The following MNAT1 variants were observed in gnomAD, a reference collection of about 807,000 sequenced individuals.
MNAT1 encodes CDK-activating kinase assembly factor MAT1.
A neutral mutation model predicts 42.0 loss-of-function variants in MNAT1; 43 were observed. That is an observed-to-expected ratio of 1.02 (90% CI 0.80 to 1.32). MNAT1 has a LOEUF of 1.32. MNAT1 is among the 40% of genes most tolerant of loss of function. The pLI, the probability that MNAT1 is intolerant of heterozygous loss-of-function variation, is 0.00. For synonymous variants in MNAT1, 118 were observed against 120.0 expected (o/e 0.98, Z 0.11); for missense variants, 306 against 350.4 (o/e 0.87, Z 1.01).
intron 1 of MNAT1, among the ~76,000 whole-genome samples, chr14:60,736,302 T>A (rs1896308179): frequency 6.6e-6 from 1 of 152,112 alleles, no homozygotes; most frequent in Admixed American, 6.6e-5. Context: ...TTGTTTTTTT[T>A]TTTGGGAAGG....
chr14:60,746,911 TATATATATATATACACACAC>T (rs1896638792), intron 1 of MNAT1, among the ~76,000 whole-genome samples: 1 of 25,420 alleles, frequency 3.9e-5, no homozygotes, highest in Admixed American at 4.7e-4. Context: ...TATATATATA[TATATATATATATACACACAC>T]ACACACACAC....
chr14:60,736,806 T>C (rs1896321842), intron 1 of MNAT1, among the ~76,000 whole-genome samples: 1 of 152,180 alleles, frequency 6.6e-6, no homozygotes, highest in Admixed American at 6.5e-5. Flanking sequence ...TATTAAATAA[T>C]ATATGGAAAA....
At chr14:60,802,234 C>T (rs1321613039) in intron 3 of MNAT1, among the ~76,000 whole-genome samples, 1 of 151,916 alleles carries the variant, frequency 6.6e-6, no homozygotes, top group Non-Finnish European at 1.5e-5. Flanking sequence ...TTCAATTAGA[C>T]AGGAGGAATA....
intron 6 of MNAT1, among the ~76,000 whole-genome samples, chr14:60,856,464 A>C (rs1274539438): frequency 6.6e-6 from 1 of 152,230 alleles, no homozygotes; most frequent in Admixed American, 6.5e-5. Context: ...ATTTAAGGAA[A>C]GATGCCATTT....
chr14:60,879,824 A>G lies in MNAT1; in HGVS notation c.798A>G (p.Leu266=). The part of the protein sequence containing the change: ...YGPHVPELEM[L]GRLGYLNHVR... ...CACATGTTCCTGAGCTTGAGATGCT[A>G]GGAAGACTTGGGTATGTGTCCTAAA... Residue 266 remains leucine (L), a synonymous_variant, in exon 7 of 8, where the codon CTA becomes CTG. Transcript: ENST00000261245. 1.9e-6 allele frequency: 3 copies of G among 1,612,790 alleles called. No individual in the cohort carries two copies. Among genetic ancestry groups the G allele is most frequent in the Non-Finnish European group, 2.5e-6 (3 of 1,179,276 alleles).
chr14:60,858,883 T>G (rs2034027665), intron 6 of MNAT1, among the ~76,000 whole-genome samples: 2 of 152,218 alleles, frequency 1.3e-5, no homozygotes, highest in African/African-American at 4.8e-5. Flanking sequence ...GCACACTTAC[T>G]AGACTATAGT....
At chr14:60,848,618 T>A (rs573128569) in intron 6 of MNAT1, among the ~76,000 whole-genome samples, 51 of 152,288 alleles carry the variant, frequency 3.3e-4, no homozygotes, top group African/African-American at 1.2e-3. Context: ...TTTGTTTTAC[T>A]TCATGTTGTG....
chr14:60,947,637 T>A (rs1016228791), intron 7 of MNAT1, among the ~76,000 whole-genome samples: 2 of 152,170 alleles, frequency 1.3e-5, no homozygotes, highest in Non-Finnish European at 2.9e-5. Flanking sequence ...AAGTCCAGAT[T>A]GTGCCACTGC....
At chr14:60,874,799 A>G (rs2034402694) in intron 6 of MNAT1, among the ~76,000 whole-genome samples, 2 of 152,086 alleles carry the variant, frequency 1.3e-5, no homozygotes, top group Admixed American at 6.6e-5. Context: ...CTTTTCATCT[A>G]AAAAACTTTT....
At chr14:60,869,040 A>ATATATATATATATTTTT (rs1465360826) in intron 6 of MNAT1, among the ~76,000 whole-genome samples, 23 of 113,050 alleles carry the variant, frequency 2.0e-4, no homozygotes, top group African/African-American at 4.8e-4. Flanking sequence ...ATATATATAT[A>ATATATATATATATTTTT]TTTTTTTTTT....
intron 7 of MNAT1, among the ~76,000 whole-genome samples, chr14:60,947,200 T>G (rs2036293719): frequency 6.6e-6 from 1 of 151,974 alleles, no homozygotes; most frequent in African/African-American, 2.4e-5. Context: ...AACACAGCTG[T>G]TTTTTTAAAA....
chr14:60,737,851 CTT>C (rs774334245), intron 1 of MNAT1, among the ~76,000 whole-genome samples: 6 of 140,284 alleles, frequency 4.3e-5, no homozygotes, highest in Non-Finnish European at 6.3e-5. Context: ...AAACCCTATC[CTT>C]TTTTTTTTTT....
chr14:60,780,381 T>A, intron 1 of MNAT1: 4 of 1,572,120 alleles, frequency 2.5e-6, no homozygotes, highest in South Asian at 1.1e-5. Context: ...ATCAGACAGA[T>A]CACAGCTACA....
intron 6 of MNAT1, among the ~76,000 whole-genome samples, chr14:60,878,708 T>G (rs2034484024): frequency 6.6e-6 from 1 of 152,144 alleles, no homozygotes; most frequent in Non-Finnish European, 1.5e-5. Flanking sequence ...CCAGTCCACT[T>G]TTGCTTTGAC....
At position 60,890,308 on chromosome 14, in the gene MNAT1, T is replaced by C. The variant is rs997317826; in HGVS notation, c.809+10473T>C. Reference sequence around the variant, plus strand: ...TCCCAGGCATAAATTTACGTACTCATGATGTAAAATCTTCTTGGTATGTTG... The same window carrying C: ...TCCCAGGCATAAATTTACGTACTCACGATGTAAAATCTTCTTGGTATGTTG... On this transcript the variant is annotated intron_variant, in intron 7 of 7. Coordinates refer to ENST00000261245, the MANE Select transcript of MNAT1 (RefSeq NM_002431.4). Among the ~76,000 whole-genome samples, 37 of 152,182 alleles carry C rather than the reference T, an allele frequency of 2.4e-4. 2 individuals are homozygous for C. The highest frequency in any genetic ancestry group is 1.5e-5 in the Non-Finnish European group (1 of 68,028).
chr14:60,952,680 T>C (rs1342118319), intron 7 of MNAT1, among the ~76,000 whole-genome samples: 9 of 152,112 alleles, frequency 5.9e-5, no homozygotes, highest in Admixed American at 2.0e-4. Flanking sequence ...TATGAAAATA[T>C]TATCTTTGTA....
chr14:60,939,640 C>T lies in MNAT1; in HGVS notation c.810-28589C>T, dbSNP rs983333484. 3.3e-5 allele frequency among the ~76,000 whole-genome samples: 5 copies of T among 152,234 alleles called. No individual in the cohort carries two copies. In the East Asian group the frequency reaches 7.7e-4, roughly 23 times the overall value. ...GCTCTTTTACATTTACTGAGGAGTG[C>T]TTTACTTCCAACTATGTGGTCAATT... On this transcript the variant is annotated intron_variant, in intron 7 of 7. Transcript: ENST00000261245.
intron 7 of MNAT1, among the ~76,000 whole-genome samples, chr14:60,906,354 A>G (rs1291507013): frequency 5.9e-5 from 9 of 152,286 alleles, no homozygotes; most frequent in Admixed American, 5.2e-4. Context: ...TTTTGAACAG[A>G]AGTTGCCATA....
intron 6 of MNAT1, among the ~76,000 whole-genome samples, chr14:60,844,146 TTACTA>T (rs2033622277): frequency 1.3e-5 from 2 of 152,218 alleles, no homozygotes; most frequent in African/African-American, 4.8e-5. Flanking sequence ...CTTATCTTGA[TTACTA>T]TAGTAATTCT....
Sources: allele counts gnomAD v4.1 joint callset (sites outside exome capture counted in the v4.1 genomes callset), GRCh38; gene constraint gnomAD v4.1.1; transcripts MANE v1.5; gene names NCBI Gene and HGNC (gene_info 2026-07-23, HGNC 2026-07-21).